Variants in TOGARAM1 observed in about 807,000 individuals in gnomAD.
TOGARAM1 encodes the protein TOG array regulator of axonemal microtubules 1.
Under a neutral mutation model 166.6 loss-of-function variants are expected in TOGARAM1, and 100 were observed. The ratio of observed to expected loss-of-function variants is 0.60; its 90% confidence interval spans 0.51 to 0.71. The LOEUF (loss-of-function observed/expected upper bound fraction) is 0.71. Ranked by LOEUF, TOGARAM1 falls within the 30% of genes least tolerant of loss-of-function variation. The pLI, the probability that TOGARAM1 is intolerant of heterozygous loss-of-function variation, is 0.00. For synonymous variants in TOGARAM1, 758 were observed against 763.8 expected, an observed-to-expected ratio of 0.99 and a Z score of 0.13; for missense variants, 2,029 against 2,102.7, an observed-to-expected ratio of 0.96 and a Z score of 0.69.
intron 7 of TOGARAM1, among the ~76,000 whole-genome samples, chr14:45,014,333 C>T (rs1298593278): frequency 6.6e-6 from 1 of 152,138 alleles, no homozygotes; most frequent in East Asian, 1.9e-4. Flanking sequence ...GTGCATGTAA[C>T]ATCTGTTAAT....
At chr14:44,993,104 AAAATAAAATAAAGAT>A (rs1887234454) in intron 1 of TOGARAM1, among the ~76,000 whole-genome samples, 1 of 151,470 alleles carries the variant, frequency 6.6e-6, no homozygotes, top group Admixed American at 6.6e-5. Context: ...AAAATAAAGT[AAAATAAAATAAAGAT>A]AAATAAAATA....
chr14:44,996,096 C>T (rs530892004), intron 2 of TOGARAM1, 194 bp downstream of exon 2: 45 of 388,134 alleles, frequency 1.2e-4, no homozygotes, highest in Middle Eastern at 7.2e-4. Flanking sequence ...TCACTGAAAT[C>T]GTTTAAGTAT....
Position 45,052,442 on chromosome 14 carries a change from T to G in TOGARAM1, c.4320T>G (p.Tyr1440Ter). ...AQDSSQETRY[Y>*]GRKMLFFMMC... Reference sequence around the variant, plus strand: ...GTTTTTCAAATACTCACAGGTATTATGGTCGAAAGATGCTGTTCTTCATGA... The same window carrying G: ...GTTTTTCAAATACTCACAGGTATTAGGGTCGAAAGATGCTGTTCTTCATGA... Residue 1440 changes from tyrosine to a stop codon, truncating the protein, a stop_gained, in exon 15 of 20, where the codon TAT (tyrosine) becomes TAG (stop). Coordinates refer to ENST00000361462, the MANE Select transcript of TOGARAM1 (RefSeq NM_001308120.2). LOFTEE classifies it high-confidence loss of function. The G allele has an allele frequency of 1.2e-6, 2 of 1,611,174 alleles. No homozygotes were observed. The highest frequency in any genetic ancestry group is 1.7e-6 in the Non-Finnish European group (2 of 1,178,450).
chr14:45,020,179 G>A (rs1430452001), intron 7 of TOGARAM1, among the ~76,000 whole-genome samples: 2 of 152,200 alleles, frequency 1.3e-5, no homozygotes, highest in Non-Finnish European at 2.9e-5. Context: ...ACTGGCTGAG[G>A]AGGCCCCAGG....
intron 2 of TOGARAM1, chr14:44,996,132 ACATCACC>A: frequency 3.5e-6 from 1 of 281,912 alleles, no homozygotes; most frequent in Non-Finnish European, 6.6e-6. Context: ...TTTGCTTAAT[ACATCACC>A]CATATTTATT....
chr14:44,963,103 G>GCCC lies in TOGARAM1; in HGVS notation c.683_685dup (p.Ala228_Arg229insPro). Reference sequence around the variant, plus strand: ...ACAACAAGGACTGGAAAGTACCGATGCCCGACTTAGAGCTTCCACAGCACT... The same window carrying GCCC: ...ACAACAAGGACTGGAAAGTACCGATGCCCCCCGACTTAGAGCTTCCACAGCACT... On this transcript the variant is annotated inframe_insertion, in exon 1 of 20. Transcript: ENST00000361462. The GCCC allele has an allele frequency of 6.2e-7, 1 of 1,614,200 alleles. No individual in the cohort carries two copies.
chr14:45,021,980 TAGTA>T (rs1880542373), intron 7 of TOGARAM1, among the ~76,000 whole-genome samples: 2 of 152,178 alleles, frequency 1.3e-5, no homozygotes, highest in Admixed American at 6.5e-5. Flanking sequence ...TTCGGATTCT[TAGTA>T]AGGCTATAGG....
chr14:45,027,232 A>G, intron 8 of TOGARAM1, 67 bp from the exon 9 acceptor site: 1 of 1,518,888 alleles, frequency 6.6e-7, no homozygotes, highest in Non-Finnish European at 8.9e-7. Context: ...GCCTTGCCTT[A>G]AACTTTGTTG....
intron 7 of TOGARAM1, among the ~76,000 whole-genome samples, chr14:45,018,122 C>A (rs1017842168): frequency 1.3e-5 from 2 of 151,990 alleles, no homozygotes; most frequent in African/African-American, 4.8e-5. Flanking sequence ...TTTGCACCAA[C>A]CTAATAATTA....
chr14:44,963,643 T>C lies in TOGARAM1; in HGVS notation c.1222T>C (p.Phe408Leu). Residue 408 changes from phenylalanine to leucine, a missense_variant, in exon 1 of 20, where the codon TTC becomes CTC. By Grantham distance (22) the Phe-to-Leu change is conservative. Transcript: ENST00000361462. Reference protein sequence around the residue: ...LLYNLLDDSNFKVVHGTLEVL... With the variant: ...LLYNLLDDSNLKVVHGTLEVL... ...ATATAATTTGTTAGACGATTCTAAC[T>C]TCAAAGTGGTGCATGGCACACTTGA... 6.2e-7 allele frequency: 1 copy of C among 1,613,378 alleles called. No homozygotes were observed. The highest frequency in any genetic ancestry group is 8.5e-7 in the Non-Finnish European group (1 of 1,180,016).
chr14:44,986,529 C>G (rs1255353204), intron 1 of TOGARAM1, among the ~76,000 whole-genome samples: 2 of 151,992 alleles, frequency 1.3e-5, no homozygotes, highest in African/African-American at 4.8e-5. Flanking sequence ...ACTGCTGGCC[C>G]CAAGTGATCC....
At position 44,975,747 on chromosome 14, in the gene TOGARAM1, G is replaced by T. The variant is rs142427628; in HGVS notation, c.2046+11280G>T. Among the ~76,000 whole-genome samples, 1,280 of 147,978 alleles carry T rather than the reference G, an allele frequency of 8.6e-3. 18 individuals are homozygous for T. The highest frequency in any genetic ancestry group is 0.013 in the Non-Finnish European group (857 of 67,350). ...CTCCCAAAGTGCTGGGATTACAGAT[G>T]TGAGCCATCATGCCCGGCTTCCCCT... On this transcript the variant is annotated intron_variant, in intron 1 of 19. Coordinates refer to ENST00000361462, the MANE Select transcript of TOGARAM1 (RefSeq NM_001308120.2).
At chr14:45,038,966 C>A (rs910690052) in intron 11 of TOGARAM1, among the ~76,000 whole-genome samples, 1 of 152,160 alleles carries the variant, frequency 6.6e-6, no homozygotes. Flanking sequence ...ATCTGTGCAA[C>A]CCTCAGTGGA....
intron 1 of TOGARAM1, among the ~76,000 whole-genome samples, chr14:44,966,721 C>T (rs996502730): frequency 2.0e-5 from 3 of 151,790 alleles, no homozygotes; most frequent in African/African-American, 4.8e-5. Flanking sequence ...CTTAACATAA[C>T]ATTTGGACGA....
At chr14:45,065,771 T>A (rs930775750) in intron 16 of TOGARAM1, among the ~76,000 whole-genome samples, 2 of 152,164 alleles carry the variant, frequency 1.3e-5, no homozygotes, top group African/African-American at 4.8e-5. Flanking sequence ...TTGGAAAGAT[T>A]TCAACTATTC....
intron 13 of TOGARAM1, among the ~76,000 whole-genome samples, chr14:45,046,270 C>T (rs1882062406): frequency 6.6e-6 from 1 of 152,068 alleles, no homozygotes; most frequent in African/African-American, 2.4e-5. Context: ...CTCGTCTGTA[C>T]TAAAAATAAA....
At position 45,054,456 on chromosome 14, in the gene TOGARAM1, C is replaced by T; in HGVS notation, c.4466C>T (p.Thr1489Ile). The change falls in exon 16 of 20, where the codon ACT (threonine) becomes ATT (isoleucine). Residue 1489 changes from threonine (T) to isoleucine (I), a missense_variant. By Grantham distance (89) the Thr-to-Ile change is moderately conservative (BLOSUM62 -1). Transcript: ENST00000361462. ...QKGLGEIPLDTPSAKGRRSHT... is the reference protein window; with the variant it reads ...QKGLGEIPLDIPSAKGRRSHT... ...GGTTTGGGGGAGATACCATTAGATA[C>T]TCCTTCAGCAAAAGGAAGACGATCT... 6.2e-7 allele frequency: 1 copy of T among 1,612,126 alleles called. No homozygotes were observed. Among genetic ancestry groups the T allele is most frequent in the African/African-American group, 1.3e-5 (1 of 74,946 alleles).
chr14:44,963,027 C>T lies in TOGARAM1; in HGVS notation c.606C>T (p.Ile202=), dbSNP rs1436976842. The change falls in exon 1 of 20, where the codon ATC becomes ATT. Residue 202 remains isoleucine, a synonymous_variant. Transcript: ENST00000361462. The part of the protein sequence containing the change: ...NPALRKDALQ[I]LHICLKRSPG... ...CCCTGCGGAAAGATGCGCTGCAGAT[C>T]CTTCATATATGTCTGAAACGTAGTC... 3.7e-6 allele frequency: 6 copies of T among 1,614,048 alleles called. No individual in the cohort carries two copies. Among genetic ancestry groups the T allele is most frequent in the African/African-American group, 2.7e-5 (2 of 74,914 alleles).
At chr14:45,001,029 C>G (rs1441757914) in intron 3 of TOGARAM1, among the ~76,000 whole-genome samples, 2 of 152,210 alleles carry the variant, frequency 1.3e-5, no homozygotes, top group African/African-American at 2.4e-5. Flanking sequence ...CCATGCCCAG[C>G]ACATTTTTAG....
Sources: allele counts gnomAD v4.1 joint callset (sites outside exome capture counted in the v4.1 genomes callset), GRCh38; gene constraint gnomAD v4.1.1; transcripts MANE v1.5; gene names NCBI Gene and HGNC (gene_info 2026-07-23, HGNC 2026-07-21).